The following TAFA2 variants were observed in gnomAD, a reference collection of about 807,000 sequenced individuals.
TAFA2 encodes the protein TAFA chemokine like family member 2.
Under a neutral mutation model 18.8 loss-of-function variants are expected in TAFA2, and 7 were observed. The ratio of observed to expected loss-of-function variants is 0.37; its 90% CI spans 0.21 to 0.70. The LOEUF (loss-of-function observed/expected upper bound fraction) is 0.70. Ranked by LOEUF, TAFA2 falls within the 30% of genes least tolerant of loss-of-function variation. The probability of loss-of-function intolerance (pLI) is 0.53; values close to 1 mark genes in which losing one functional copy is unlikely to be tolerated. For missense variants in TAFA2, 122 were observed against 158.1 expected (o/e 0.77, Z 1.23); for synonymous variants, 60 against 54.2 (o/e 1.11, Z -0.47).
rs549325328 is a variant in TAFA2 at position 61,808,563 on chromosome 12, A to T, written c.107-53539T>A. Among the ~76,000 whole-genome samples, 4 of 151,512 alleles carry T rather than the reference A, an allele frequency of 2.6e-5. No individual in the cohort carries two copies. The East Asian group carries it at 7.7e-4, about 29-fold the overall frequency. On this transcript the variant is annotated intron_variant, in intron 2 of 4. Transcript: ENST00000416284. ...TTTAGATAAGCTGATGAGCAAAACAAGGTGTGAGGAAAATGGAGGTAGAAA... is the reference window on the plus strand; with the variant it reads ...TTTAGATAAGCTGATGAGCAAAACATGGTGTGAGGAAAATGGAGGTAGAAA...
chr12:61,974,016 T>G lies in TAFA2; in HGVS notation c.-1-106590A>C, dbSNP rs111772583. On this transcript the variant is annotated intron_variant, in intron 1 of 4. Coordinates refer to ENST00000416284, the MANE Select transcript of TAFA2 (RefSeq NM_178539.5). ...TCCAAAAAAAGAAGGAACAGGAATG[T>G]GTATTATGTTATGTAAAGGTAATGA... Among the ~76,000 whole-genome samples the G allele has an allele frequency of 7.1e-3, 1,076 of 151,788 alleles. 15 individuals carry two copies. The highest frequency in any genetic ancestry group is 0.025 in the African/African-American group (1,025 of 41,454).
chr12:62,157,493 A>G (rs1286075663), intron 1 of TAFA2, among the ~76,000 whole-genome samples: 1 of 152,178 alleles, frequency 6.6e-6, no homozygotes, highest in Non-Finnish European at 1.5e-5. Flanking sequence ...AGCATCTGAA[A>G]ACACCTTATC....
chr12:61,940,810 T>C (rs1200468783), intron 1 of TAFA2, among the ~76,000 whole-genome samples: 1 of 152,144 alleles, frequency 6.6e-6, no homozygotes, highest in South Asian at 2.1e-4. Context: ...AAAGGAACAG[T>C]GAATGCCGCT....
intron 1 of TAFA2, among the ~76,000 whole-genome samples, chr12:62,013,806 A>G (rs780634499): frequency 5.2e-4 from 79 of 152,234 alleles, no homozygotes; most frequent in Admixed American, 1.2e-3. Context: ...GTTGTAAGTT[A>G]GTCGATAATT....
intron 1 of TAFA2, among the ~76,000 whole-genome samples, chr12:61,908,615 A>G (rs906439682): frequency 6.6e-6 from 1 of 152,174 alleles, no homozygotes; most frequent in African/African-American, 2.4e-5. Flanking sequence ...ATAGATTTTT[A>G]AAGTTTCTAA....
intron 2 of TAFA2, among the ~76,000 whole-genome samples, chr12:61,790,583 T>C (rs767947167): frequency 2.6e-5 from 4 of 151,670 alleles, no homozygotes; most frequent in Non-Finnish European, 4.4e-5. Context: ...GTGAATTATC[T>C]GAAAAAAATG....
chr12:62,132,242 A>T (rs1870717100), intron 1 of TAFA2, among the ~76,000 whole-genome samples: 1 of 151,890 alleles, frequency 6.6e-6, no homozygotes, highest in African/African-American at 2.4e-5. Context: ...GAAAGCACTT[A>T]ACATGAAAAT....
At chr12:62,058,378 A>G (rs1882241723) in intron 1 of TAFA2, among the ~76,000 whole-genome samples, 1 of 152,092 alleles carries the variant, frequency 6.6e-6, no homozygotes, top group Non-Finnish European at 1.5e-5. Context: ...CCACAATTCT[A>G]ATTAGATAGA....
At position 61,900,611 on chromosome 12, in the gene TAFA2, T is replaced by C. The variant is rs188597223; in HGVS notation, c.-1-33185A>G. ...TGAGCAAAGGGGGAAAGGCCCCATA[T>C]AAACCCATCAGATCTCAGTGACTAT... On this transcript the variant is annotated intron_variant, in intron 1 of 4. Transcript: ENST00000416284. Among the ~76,000 whole-genome samples, 213 of 152,228 alleles carry C rather than the reference T, an allele frequency of 1.4e-3. 2 individuals carry two copies. In the Middle Eastern group the frequency reaches 0.017, roughly 12 times the overall value.
chr12:62,147,508 T>C (rs1414217461), intron 1 of TAFA2, among the ~76,000 whole-genome samples: 1 of 150,090 alleles, frequency 6.7e-6, no homozygotes, highest in African/African-American at 2.4e-5. Context: ...GGCGGGCAGA[T>C]CACAAGGTCA....
chr12:62,159,861 A>C (rs2136928877), intron 1 of TAFA2, among the ~76,000 whole-genome samples: 1 of 152,292 alleles, frequency 6.6e-6, no homozygotes, highest in South Asian at 2.1e-4. Flanking sequence ...TTGTGGAAAA[A>C]ATAAAGTAAT....
intron 1 of TAFA2, among the ~76,000 whole-genome samples, chr12:62,019,259 C>T (rs1203467766): frequency 1.3e-5 from 2 of 152,164 alleles, no homozygotes; most frequent in Admixed American, 6.5e-5. Context: ...TTGTGGAAGT[C>T]AGTGTGGCGA....
chr12:61,944,725 G>A (rs1226535190), intron 1 of TAFA2, among the ~76,000 whole-genome samples: 1 of 145,700 alleles, frequency 6.9e-6, no homozygotes, highest in Non-Finnish European at 1.5e-5. Flanking sequence ...TAAATTCCTG[G>A]ACACATACAC....
At chr12:61,837,362 G>A (rs942043210) in intron 2 of TAFA2, among the ~76,000 whole-genome samples, 2 of 151,756 alleles carry the variant, frequency 1.3e-5, no homozygotes, top group Admixed American at 6.6e-5. Flanking sequence ...CTCCTTACAA[G>A]AATAAAAATG....
chr12:61,978,744 T>G (rs1879525272), intron 1 of TAFA2, among the ~76,000 whole-genome samples: 2 of 151,998 alleles, frequency 1.3e-5, no homozygotes, highest in Non-Finnish European at 2.9e-5. Context: ...AAATTGACAT[T>G]TGACAAGAAG....
At chr12:61,950,383 C>G (rs549002938) in intron 1 of TAFA2, among the ~76,000 whole-genome samples, 3 of 152,252 alleles carry the variant, frequency 2.0e-5, no homozygotes, top group African/African-American at 4.8e-5. Flanking sequence ...GCACTACTAA[C>G]AGTGCACAAG....
At chr12:61,984,532 T>G (rs560861308) in intron 1 of TAFA2, among the ~76,000 whole-genome samples, 6 of 152,172 alleles carry the variant, frequency 3.9e-5, no homozygotes, top group East Asian at 3.9e-4. Context: ...TCCTTTGTGG[T>G]TTTTTTTCCA....
chr12:62,167,647 C>T (rs1241161746), intron 1 of TAFA2, among the ~76,000 whole-genome samples: 3 of 152,118 alleles, frequency 2.0e-5, no homozygotes, highest in African/African-American at 7.2e-5. Context: ...TTCACATATC[C>T]TAGTACTATA....
intron 1 of TAFA2, among the ~76,000 whole-genome samples, chr12:61,899,233 T>C (rs1875990441): frequency 6.6e-6 from 1 of 152,194 alleles, no homozygotes; most frequent in African/African-American, 2.4e-5. Context: ...CCTCTGTCTG[T>C]GTGGGACAGA....
Sources: gnomAD v4.1 joint callset for allele counts (sites outside exome capture counted in the v4.1 genomes callset) on GRCh38, gnomAD v4.1.1 for gene constraint, MANE v1.5 for transcripts, NCBI Gene and HGNC (gene_info 2026-07-23, HGNC 2026-07-21) for gene names.